The following ENPP2 variants were observed in gnomAD, a reference collection of about 807,000 sequenced individuals.
The protein encoded by ENPP2 is autotaxin.
Under a neutral mutation model 120.2 loss-of-function variants are expected in ENPP2, and 51 were observed. The observed-to-expected ratio is 0.42, with a 90% CI of 0.34 to 0.54. ENPP2 has a LOEUF of 0.54. ENPP2 is among the 20% of genes least tolerant of loss of function. The pLI is 0.04. For missense variants in ENPP2, 920 were observed against 1,066.5 expected (o/e 0.86, Z 1.91); for synonymous variants, 365 against 366.4 (o/e 1.00, Z 0.04).
At chr8:119,585,236 G>A (rs1360709755) in intron 15 of ENPP2, among the ~76,000 whole-genome samples, 1 of 152,126 alleles carries the variant, frequency 6.6e-6, no homozygotes, top group Admixed American at 6.5e-5. Context: ...AACTGTTTTA[G>A]AAGACTCCAA....
chr8:119,665,279 T>G (rs997284486), intron 1 of ENPP2, among the ~76,000 whole-genome samples: 5 of 152,202 alleles, frequency 3.3e-5, no homozygotes, highest in African/African-American at 1.2e-4. Flanking sequence ...TCAAATGGGT[T>G]CACAGTGTAT....
chr8:119,577,304 C>T (rs1328221825), intron 19 of ENPP2, among the ~76,000 whole-genome samples: 3 of 152,136 alleles, frequency 2.0e-5, no homozygotes, highest in Middle Eastern at 3.2e-3. Context: ...AAGTAATTGC[C>T]CTGAACATAA....
At chr8:119,626,503 A>T in intron 3 of ENPP2, 62 bp downstream of exon 3, 1 of 1,428,512 alleles carries the variant, frequency 7.0e-7, no homozygotes, top group Non-Finnish European at 9.8e-7. Flanking sequence ...CAGGATGCAT[A>T]CAATAGCAGG....
chr8:119,572,340 CA>C, intron 19 of ENPP2: 1 of 959,124 alleles, frequency 1.0e-6, no homozygotes. Flanking sequence ...CCTCCAAACT[CA>C]AATTCAAGCT....
chr8:119,671,195 G>A (rs1818236668), intron 1 of ENPP2, among the ~76,000 whole-genome samples: 1 of 151,958 alleles, frequency 6.6e-6, no homozygotes. Context: ...CAGCTACTTG[G>A]GAGGCTGAGG....
rs767730547 is a variant in ENPP2 at position 119,617,447 on chromosome 8, G to C, written c.577+19C>G. ...ATCCTAGATTACAGATAAGAACACA[G>C]AGTATGGAAATTACTTACTTAGTTT... On this transcript the variant is annotated intron_variant, in intron 6 of 24. Coordinates refer to ENST00000075322, the MANE Select transcript of ENPP2 (RefSeq NM_001040092.3). 3 of 1,512,676 alleles carry C rather than the reference G, an allele frequency of 2.0e-6. No homozygotes were observed. Among genetic ancestry groups the C allele is most frequent in the Non-Finnish European group, 2.7e-6 (3 of 1,091,582 alleles). The allele number at this position is 1,512,676 out of a possible 1,614,324, so 93.7% of individuals were successfully genotyped here.
chr8:119,614,995 T>C (rs557482552), intron 8 of ENPP2, among the ~76,000 whole-genome samples: 36 of 152,328 alleles, frequency 2.4e-4, no homozygotes, highest in African/African-American at 8.4e-4. Context: ...AAAAAGCTCA[T>C]ATTTATCCTT....
intron 8 of ENPP2, among the ~76,000 whole-genome samples, chr8:119,614,040 A>G (rs910153214): frequency 1.4e-5 from 2 of 142,478 alleles, no homozygotes; most frequent in African/African-American, 5.1e-5. Flanking sequence ...TTTAAATTGT[A>G]GTTACTATGC....
chr8:119,570,559 T>C, intron 20 of ENPP2, 146 bp downstream of exon 20: 1 of 538,836 alleles, frequency 1.9e-6, no homozygotes, highest in Non-Finnish European at 3.2e-6. Context: ...ATTCAAAATA[T>C]CTTACAATAA....
At position 119,564,858 on chromosome 8, in the gene ENPP2, A is replaced by T. The variant is rs770990409; in HGVS notation, c.2229T>A (p.Tyr743Ter). 21 of 1,613,740 alleles carry T rather than the reference A, an allele frequency of 1.3e-5. No homozygotes were observed. In the South Asian group the frequency reaches 2.2e-4, roughly 17 times the overall value. The change falls in exon 23 of 25, where the codon TAT (tyrosine) becomes TAA (stop). Residue 743 changes from tyrosine to a stop codon, truncating the protein, a stop_gained. Transcript: ENST00000075322. LOFTEE classifies it high-confidence loss of function. ...TGTCTTCTGTGTCATGTAAGCCATC[A>T]TAGTCATAGTCGAAGATTGGTCCAC... is the stretch of plus-strand genomic sequence containing the variant. ...VISGPIFDYD[Y>*]DGLHDTEDKI...
Position 119,562,919 on chromosome 8 carries a change from C to G in ENPP2, c.2359G>C (p.Gly787Arg). ...DFTQPADKCD[G>R]PLSVSSFILP... ...ATGAAGGAGGACACAGAGAGAGGGC[C>G]GTCACACTTGTCGGCAGGCTGAGTG... Residue 787 changes from glycine (G) to arginine (R), a missense_variant, in exon 24 of 25, where the codon GGC becomes CGC. Gly to Arg is a moderately radical substitution (Grantham distance 125, BLOSUM62 -2). Transcript: ENST00000075322. The G allele has an allele frequency of 6.2e-7, 1 of 1,614,108 alleles. No homozygotes were observed. The highest frequency in any genetic ancestry group is 8.5e-7 in the Non-Finnish European group (1 of 1,180,004).
chr8:119,592,616 A>AT (rs11453074), intron 12 of ENPP2, among the ~76,000 whole-genome samples: 85,547 of 151,186 alleles, frequency 0.57, 25,628 homozygotes, highest in African/African-American at 0.77. Context: ...CTCAGCACAT[A>AT]TCATTGGGAC....
chr8:119,648,017 A>G (rs1817522904), intron 1 of ENPP2, among the ~76,000 whole-genome samples: 1 of 152,084 alleles, frequency 6.6e-6, no homozygotes, highest in Admixed American at 6.5e-5. Context: ...AAAAAAAGAA[A>G]AGTTTGGATT....
chr8:119,584,845 A>G lies in ENPP2; in HGVS notation c.1368-796T>C, dbSNP rs1052774492. ...AAATATTTCCTAAGTACCTATGGGT[A>G]TATAGCACTGAAAGTGCTTTGGGAA... On this transcript the variant is annotated intron_variant, in intron 15 of 24. Transcript: ENST00000075322. Among the ~76,000 whole-genome samples the G allele has an allele frequency of 2.0e-4, 30 of 152,226 alleles. No individual in the cohort carries two copies. The South Asian group carries it at 3.3e-3, about 17-fold the overall frequency.
At position 119,621,432 on chromosome 8, in the gene ENPP2, CT is replaced by C; in HGVS notation, c.379del (p.Arg127GlyfsTer26). 1 of 1,613,600 alleles carries C rather than the reference CT, an allele frequency of 6.2e-7. No individual in the cohort carries two copies. Among genetic ancestry groups the C allele is most frequent in the Non-Finnish European group, 8.5e-7 (1 of 1,179,644 alleles). The part of the protein sequence containing the change: ...ACHCSEDCLA[R>X]GDCCTNYQVV... The stretch of plus-strand genomic sequence containing the variant: ...TTGGTAATTGGTACAGCAGTCTCCC[CT>C]GGCCAAGCAGTCCTCTGAGCAGTGA... On this transcript the variant is annotated frameshift_variant, in exon 4 of 25. Coordinates refer to ENST00000075322, the MANE Select transcript of ENPP2 (RefSeq NM_001040092.3). LOFTEE classifies it high-confidence loss of function.
intron 1 of ENPP2, among the ~76,000 whole-genome samples, chr8:119,653,111 C>T (rs992863056): frequency 3.9e-5 from 6 of 152,138 alleles, no homozygotes; most frequent in African/African-American, 1.2e-4. Context: ...AGCCAGACTC[C>T]GTCTAGATTG....
upstream of ENPP2, among the ~76,000 whole-genome samples, chr8:119,641,441 G>T (rs1185868607): frequency 2.0e-5 from 3 of 152,180 alleles, no homozygotes; most frequent in Non-Finnish European, 4.4e-5. Context: ...CACTTGCTAT[G>T]GTGTTTAAGA....
chr8:119,644,912 C>G (rs1195249656), intron 1 of ENPP2, among the ~76,000 whole-genome samples: 1 of 151,988 alleles, frequency 6.6e-6, no homozygotes, highest in African/African-American at 2.4e-5. Context: ...GAGTCGCTAG[C>G]AGGCTTGTAA....
At position 119,582,749 on chromosome 8, in the gene ENPP2, C is replaced by T. The variant is rs563990182; in HGVS notation, c.1544-147G>A. The T allele has an allele frequency of 2.2e-5, 14 of 631,832 alleles. No individual in the cohort carries two copies. In the Admixed American group the frequency reaches 2.6e-4, roughly 12 times the overall value. 39.1% of individuals were successfully genotyped at this position (631,832 alleles called of 1,614,324 possible). ...AAAACCAAATGTAGATGGCAGGCAC[C>T]CCCTCCTTACCTCCTGAACCATTCT... On this transcript the variant is annotated intron_variant, in intron 17 of 24. Coordinates refer to ENST00000075322, the MANE Select transcript of ENPP2 (RefSeq NM_001040092.3).
Sources: gnomAD v4.1 joint callset for allele counts (sites outside exome capture counted in the v4.1 genomes callset) on GRCh38, gnomAD v4.1.1 for gene constraint, MANE v1.5 for transcripts, NCBI Gene and HGNC (gene_info 2026-07-23, HGNC 2026-07-21) for gene names.